The following SEL1L2 variants were observed in gnomAD, a reference collection of about 807,000 sequenced individuals.
SEL1L2 encodes the protein SEL1L2 adaptor subunit of SYVN1 ubiquitin ligase, also known as protein sel-1 homolog 2.
SEL1L2 carries 89 observed loss-of-function variants against 98.8 expected under a neutral mutation model. The observed-to-expected ratio is 0.90, with a 90% CI of 0.76 to 1.07. The LOEUF is 1.07. Ranked by LOEUF, SEL1L2 falls within the 50% of genes least tolerant of loss-of-function variation. SEL1L2 has a pLI of 0.00. For missense variants in SEL1L2, 788 were observed against 812.0 expected, an observed-to-expected ratio of 0.97 and a Z score of 0.36; for synonymous variants, 262 against 278.5, an observed-to-expected ratio of 0.94 and a Z score of 0.59.
chr20:13,888,506 C>G lies in SEL1L2; in HGVS notation c.556G>C (p.Gly186Arg). The change falls in exon 6 of 20, where the codon GGA (glycine) becomes CGA (arginine). Residue 186 changes from glycine to arginine, a missense_variant. By Grantham distance (125) the Gly-to-Arg change is moderately radical. Coordinates refer to ENST00000284951, the MANE Select transcript of SEL1L2 (RefSeq NM_025229.2). ...CCTATTCCATAAGAAGACAAAAATC[C>G]TAATGCCTAAAGCACAAAAGAAGAA... ...EGSCKAQNAL[G>R]FLSSYGIGME... 1 of 1,550,806 alleles carries G rather than the reference C, an allele frequency of 6.4e-7. No individual in the cohort carries two copies. Among genetic ancestry groups the G allele is most frequent in the Non-Finnish European group, 8.8e-7 (1 of 1,130,666 alleles).
chr20:13,906,644 A>T (rs2047941635), intron 5 of SEL1L2, among the ~76,000 whole-genome samples: 1 of 151,964 alleles, frequency 6.6e-6, no homozygotes, highest in Non-Finnish European at 1.5e-5. Flanking sequence ...AGTTCTAATA[A>T]CCTATAGTCT....
At chr20:13,951,748 T>C (rs2050290820) in intron 2 of SEL1L2, among the ~76,000 whole-genome samples, 1 of 150,228 alleles carries the variant, frequency 6.7e-6, no homozygotes, top group African/African-American at 2.5e-5. Context: ...AGAGAAATTA[T>C]ATTTCAAAAC....
intron 1 of SEL1L2, among the ~76,000 whole-genome samples, chr20:13,982,986 T>G (rs2051918278): frequency 9.7e-6 from 1 of 103,474 alleles, no homozygotes; most frequent in Non-Finnish European, 1.8e-5. Context: ...TTCACGCCAC[T>G]GCACTCCAGT....
chr20:13,864,180 T>C (rs1180020406), intron 17 of SEL1L2, among the ~76,000 whole-genome samples: 1 of 152,130 alleles, frequency 6.6e-6, no homozygotes, highest in African/African-American at 2.4e-5. Flanking sequence ...TCATTGCATT[T>C]TATAAAACAT....
At chr20:13,886,866 T>C (rs1394742529) in intron 8 of SEL1L2, among the ~76,000 whole-genome samples, 1 of 151,496 alleles carries the variant, frequency 6.6e-6, no homozygotes, top group Non-Finnish European at 1.5e-5. Flanking sequence ...CCAACATGGA[T>C]GACAGAGGGA....
At chr20:13,952,937 G>A (rs2050341381) in intron 2 of SEL1L2, among the ~76,000 whole-genome samples, 1 of 152,194 alleles carries the variant, frequency 6.6e-6, no homozygotes, top group African/African-American at 2.4e-5. Context: ...GCTGAGGCGG[G>A]AGAATCGCTT....
chr20:13,946,695 G>A (rs1163455433), intron 2 of SEL1L2, among the ~76,000 whole-genome samples: 3 of 152,212 alleles, frequency 2.0e-5, no homozygotes, highest in Non-Finnish European at 4.4e-5. Context: ...GCCCAGCTGC[G>A]GCTGCAGACC....
chr20:13,985,129 C>A lies in SEL1L2; in HGVS notation c.58+5348G>T, dbSNP rs2052099538. On this transcript the variant is annotated intron_variant, in intron 1 of 19. Transcript: ENST00000284951. ...CCCCAACCCTCACATCTAGTAGCTA[C>A]TATTCTACTCTCAAAGTCATTTTTC... Among the ~76,000 whole-genome samples the A allele has an allele frequency of 1.3e-5, 2 of 152,028 alleles. 1 individual carries two copies. Among genetic ancestry groups the A allele is most frequent in the Admixed American group, 1.3e-4 (2 of 15,254 alleles).
In SEL1L2 at chr20:13,940,103, T is replaced by C. The variant is rs944866712; in HGVS notation, c.115-8332A>G. ...ATTTTCTGATCATATGGAGCTTCCA[T>C]TTGTCTGTAAGAAATACAGCAACCA... On this transcript the variant is annotated intron_variant, in intron 2 of 19. Transcript: ENST00000284951. 3.9e-5 allele frequency among the ~76,000 whole-genome samples: 6 copies of C among 152,350 alleles called. No homozygotes were observed. The South Asian group carries it at 1.2e-3, about 32-fold the overall frequency.
At chr20:13,873,222 T>C (rs943245789) in intron 12 of SEL1L2, among the ~76,000 whole-genome samples, 4 of 152,040 alleles carry the variant, frequency 2.6e-5, no homozygotes, top group African/African-American at 9.7e-5. Flanking sequence ...ACTCCTGACC[T>C]CAAGTGATCC....
chr20:13,881,619 C>T (rs2147946732), intron 10 of SEL1L2, among the ~76,000 whole-genome samples: 1 of 152,278 alleles, frequency 6.6e-6, no homozygotes, highest in South Asian at 2.1e-4. Flanking sequence ...ATATTTTTCA[C>T]TAATTAAGAA....
intron 18 of SEL1L2, chr20:13,851,527 T>C (rs1247872810): frequency 6.6e-6 from 1 of 152,066 alleles, no homozygotes; most frequent in African/African-American, 2.4e-5. Flanking sequence ...AATGATATAG[T>C]ACTATATTTT....
intron 1 of SEL1L2, among the ~76,000 whole-genome samples, chr20:13,956,471 TATAAATA>T (rs2148447820): frequency 6.6e-6 from 1 of 152,254 alleles, no homozygotes; most frequent in Non-Finnish European, 1.5e-5. Context: ...AATGTATCTA[TATAAATA>T]AGTGCCATCT....
At position 13,886,211 on chromosome 20, in the gene SEL1L2, C is replaced by T. The variant is rs1052035554; in HGVS notation, c.900+77G>A. On this transcript the variant is annotated intron_variant, in intron 9 of 19. Transcript: ENST00000284951. ...CTATTTAGGATGGGGCATTGTTCAT[C>T]CCTCCAGGACTCAGAAAGAATTAAG... The T allele has an allele frequency of 8.7e-6, 9 of 1,039,306 alleles. No individual in the cohort carries two copies. In the African/African-American group the frequency reaches 1.5e-4, roughly 17 times the overall value. 64.4% of individuals were successfully genotyped at this position (1,039,306 alleles called of 1,614,324 possible).
intron 5 of SEL1L2, among the ~76,000 whole-genome samples, chr20:13,890,042 C>G (rs961812385): frequency 6.6e-6 from 1 of 152,176 alleles, no homozygotes; most frequent in Non-Finnish European, 1.5e-5. Flanking sequence ...AGTCATAGGA[C>G]AGCAGGCAAG....
At chr20:13,852,504 T>C (rs922115965) in intron 18 of SEL1L2, among the ~76,000 whole-genome samples, 10 of 152,140 alleles carry the variant, frequency 6.6e-5, no homozygotes. Context: ...ATCTAAGTCA[T>C]GCAAACAAAA....
At chr20:13,943,971 G>A (rs1245905980) in intron 2 of SEL1L2, among the ~76,000 whole-genome samples, 1 of 152,082 alleles carries the variant, frequency 6.6e-6, no homozygotes, top group African/African-American at 2.4e-5. Context: ...GAGAGAGTAA[G>A]ATGGGGGTAG....
chr20:13,901,118 T>G (rs964852875), intron 5 of SEL1L2, among the ~76,000 whole-genome samples: 2 of 148,778 alleles, frequency 1.3e-5, no homozygotes, highest in Admixed American at 1.4e-4. Flanking sequence ...TCCTCCAGGC[T>G]GGAGTGCAGT....
At chr20:13,901,292 G>A (rs1261433309) in intron 5 of SEL1L2, among the ~76,000 whole-genome samples, 1 of 151,728 alleles carries the variant, frequency 6.6e-6, no homozygotes, top group Non-Finnish European at 1.5e-5. Context: ...GGATGGTCTC[G>A]ATTTCCTGAC....
Sources: gnomAD v4.1 joint callset for allele counts (sites outside exome capture counted in the v4.1 genomes callset) on GRCh38, gnomAD v4.1.1 for gene constraint, MANE v1.5 for transcripts, NCBI Gene and HGNC (gene_info 2026-07-23, HGNC 2026-07-21) for gene names.